Variants in ZNF558 observed in about 807,000 individuals in gnomAD.
ZNF558 encodes the protein zinc finger protein 558.
Under a neutral mutation model 37.6 loss-of-function variants are expected in ZNF558, and 23 were observed. The observed-to-expected ratio is 0.61, with a 90% confidence interval of 0.44 to 0.87. The LOEUF is 0.87. Ranked by LOEUF, ZNF558 falls within the 40% of genes least tolerant of loss-of-function variation. The probability of loss-of-function intolerance (pLI) is 0.00; values close to 1 mark genes in which losing one functional copy is unlikely to be tolerated. For missense variants in ZNF558, 429 were observed against 483.7 expected (o/e 0.89, Z 1.06); for synonymous variants, 189 against 174.4 (o/e 1.08, Z -0.66).
At chr19:8,829,867 A>G (rs1484117103) in intron 2 of ZNF558, among the ~76,000 whole-genome samples, 4 of 152,178 alleles carry the variant, frequency 2.6e-5, no homozygotes, top group Admixed American at 2.6e-4. Flanking sequence ...AAACCCCACA[A>G]TTTAATACTA....
chr19:8,836,159 G>A (rs916317906), upstream of ZNF558, among the ~76,000 whole-genome samples: 3 of 152,088 alleles, frequency 2.0e-5, no homozygotes, highest in African/African-American at 7.2e-5. Context: ...GAATATTATG[G>A]TAGCTCAATA....
chr19:8,813,601 G>A (rs250314), intron 7 of ZNF558, among the ~76,000 whole-genome samples: 19,296 of 152,082 alleles, frequency 0.13, 1,231 homozygotes, highest in Middle Eastern at 0.21. Context: ...TCCTGGCCTC[G>A]TGATCCACCC....
chr19:8,837,197 C>T (rs183627998), upstream of ZNF558, among the ~76,000 whole-genome samples: 37 of 152,206 alleles, frequency 2.4e-4, no homozygotes, highest in African/African-American at 4.1e-4. Context: ...CAAAGCTGTA[C>T]GAATGTGCAT....
chr19:8,834,638 C>CAA (rs778953517), upstream of ZNF558, among the ~76,000 whole-genome samples: 2 of 129,816 alleles, frequency 1.5e-5, no homozygotes, highest in African/African-American at 5.7e-5. Flanking sequence ...CAAAAAAAAA[C>CAA]AAAAAAAAAA....
At chr19:8,827,966 C>T (rs1224587253) in intron 2 of ZNF558, among the ~76,000 whole-genome samples, 1 of 152,302 alleles carries the variant, frequency 6.6e-6, no homozygotes, top group South Asian at 2.1e-4. Context: ...CCTTTCCTTA[C>T]ACAGCTTCTT....
At chr19:8,814,222 C>T (rs1034349643) in intron 7 of ZNF558, among the ~76,000 whole-genome samples, 5 of 152,302 alleles carry the variant, frequency 3.3e-5, no homozygotes, top group Non-Finnish European at 7.3e-5. Flanking sequence ...TTGAAGACAA[C>T]AGCCTGCATT....
In ZNF558 at chr19:8,811,761, G is replaced by A. The variant is rs150433404; in HGVS notation, c.729C>T (p.His243=). 2.1e-5 allele frequency: 34 copies of A among 1,613,806 alleles called. No individual in the cohort carries two copies. In the East Asian group the frequency reaches 3.3e-4, roughly 16 times the overall value. Residue 243 remains histidine (H), a synonymous_variant, in exon 10 of 10, where the codon CAC becomes CAT. Transcript: ENST00000601372. ...TGAGGTTACAACTGGTGCGGAAAAC[G>A]TGAAAACACTGGTTACATTCATAGG... The part of the protein sequence containing the change: ...EKPYECNQCF[H]VFRTSCNLKS...
At chr19:8,821,333 A>G in intron 6 of ZNF558, 27 bp from the exon 7 acceptor site, 8 of 1,614,184 alleles carry the variant, frequency 5.0e-6, no homozygotes, top group South Asian at 2.2e-5. Context: ...ATCACGGCTT[A>G]GCCAAGGACC....
upstream of ZNF558, among the ~76,000 whole-genome samples, chr19:8,834,212 C>CA (rs2044427636): frequency 6.6e-6 from 1 of 152,102 alleles, no homozygotes; most frequent in Non-Finnish European, 1.5e-5. Flanking sequence ...GAAGTTTAAG[C>CA]AAAAATGAAC....
In ZNF558 at chr19:8,824,220, T is replaced by C. The variant is rs1395481187; in HGVS notation, c.-204A>G. Reference sequence around the variant, plus strand: ...TTGCTCTAGAGGACACCAGTTGCCATGGTGGGAAGACGCTCAAGTGGCCCT... The same window carrying C: ...TTGCTCTAGAGGACACCAGTTGCCACGGTGGGAAGACGCTCAAGTGGCCCT... On this transcript the variant is annotated 5_prime_UTR_variant, in exon 4 of 10. The change abolishes an upstream ATG in the 5' untranslated region. Coordinates refer to ENST00000601372, the MANE Select transcript of ZNF558 (RefSeq NM_144693.3). 2 of 152,236 alleles carry C rather than the reference T, an allele frequency of 1.3e-5. No individual in the cohort carries two copies. Among genetic ancestry groups the C allele is most frequent in the Non-Finnish European group, 2.9e-5 (2 of 68,116 alleles). The allele number at this position is 152,236 out of a possible 1,614,324, so 9.4% of individuals were successfully genotyped here.
intron 2 of ZNF558, among the ~76,000 whole-genome samples, chr19:8,825,545 T>C (rs2044211986): frequency 6.6e-6 from 1 of 152,138 alleles, no homozygotes; most frequent in Admixed American, 6.5e-5. Flanking sequence ...CAAAGCAATG[T>C]CATGTGTCCT....
At chr19:8,835,204 A>G (rs555628099), upstream of ZNF558, among the ~76,000 whole-genome samples, 538 of 152,188 alleles carry the variant, frequency 3.5e-3, 3 homozygotes, top group Non-Finnish European at 5.3e-3. Flanking sequence ...GGCGTTCACC[A>G]CCACGCCTGG....
Position 8,811,470 on chromosome 19 carries a change from T to C in ZNF558, c.1020A>G (p.Arg340=). 6 of 1,614,166 alleles carry C rather than the reference T, an allele frequency of 3.7e-6. No individual in the cohort carries two copies. Among genetic ancestry groups the C allele is most frequent in the Non-Finnish European group, 5.1e-6 (6 of 1,180,004 alleles). ...SSSFSLTVHK[R]IHTGEKPYEC... The stretch of plus-strand genomic sequence containing the variant: ...CGTAGGGTTTCTCTCCGGTATGTAT[T>C]CTCTTGTGCACAGTAAGAGAAAAGC... Residue 340 remains arginine, a synonymous_variant, in exon 10 of 10, where the codon AGA becomes AGG. Transcript: ENST00000601372.
chr19:8,831,794 G>A (rs2044363380), intron 1 of ZNF558, among the ~76,000 whole-genome samples: 1 of 152,160 alleles, frequency 6.6e-6, no homozygotes, highest in Non-Finnish European at 1.5e-5. Flanking sequence ...CTAGAGCAGG[G>A]TTTCCCAACC....
intron 8 of ZNF558, 101 bp from the exon 9 acceptor site, chr19:8,812,744 T>C (rs2043827595): frequency 4.5e-6 from 3 of 661,022 alleles, no homozygotes; most frequent in Non-Finnish European, 7.3e-6. Flanking sequence ...TTTTTGAGGA[T>C]GTTTGCAACA....
At chr19:8,838,051 A>G in the ZNF558 span, among the ~76,000 whole-genome samples, 1 of 151,824 alleles carries the variant, frequency 6.6e-6, no homozygotes, top group East Asian at 1.9e-4. Flanking sequence ...GATTGAGACC[A>G]TCCTGGATAA....
intron 2 of ZNF558, among the ~76,000 whole-genome samples, chr19:8,826,245 G>C (rs2044228797): frequency 6.6e-6 from 1 of 152,116 alleles, no homozygotes; most frequent in African/African-American, 2.4e-5. Context: ...GGAGCACGGG[G>C]CGGCAGTGGG....
chr19:8,812,925 G>A (rs1386363443), intron 8 of ZNF558, among the ~76,000 whole-genome samples: 2 of 152,236 alleles, frequency 1.3e-5, no homozygotes, highest in African/African-American at 4.8e-5. Flanking sequence ...AGCCCAAAGT[G>A]AAGTATGAGA....
rs759437339 is a variant in ZNF558, at chr19:8,822,054, T to C, written c.69A>G (p.Gly23=). Residue 23 remains glycine, a synonymous_variant, in exon 6 of 10, where the codon GGA becomes GGG. Coordinates refer to ENST00000601372, the MANE Select transcript of ZNF558 (RefSeq NM_144693.3). This position sits in a 1 kb window ranked among gnomAD's most constrained non-coding sequence, Gnocchi z 4.4. ...TAACCAGCTCTCCGCCCTGTGTGTG[T>C]CCTTTTTGCTGAGAGGCTGGGAACA... ...SSLFPASQQK[G]HTQGGELVNE... is the part of the protein sequence containing the mutation. 19 of 1,613,938 alleles carry C rather than the reference T, an allele frequency of 1.2e-5. No homozygotes were observed. The highest frequency in any genetic ancestry group is 1.5e-5 in the Non-Finnish European group (18 of 1,179,970).
Sources: gnomAD v4.1 joint callset for allele counts (sites outside exome capture counted in the v4.1 genomes callset) on GRCh38, gnomAD v4.1.1 for gene constraint, Gnocchi (gnomAD v3.1) non-coding constraint, MANE v1.5 for transcripts, NCBI Gene and HGNC (gene_info 2026-07-23, HGNC 2026-07-21) for gene names.